The following TAFA1 variants were observed in gnomAD, a reference collection of about 807,000 sequenced individuals.
The protein encoded by TAFA1 is TAFA chemokine like family member 1.
In TAFA1, 4 loss-of-function variants were observed where a neutral mutation model predicts 18.5. The ratio of observed to expected loss-of-function variants is 0.22; its 90% CI spans 0.11 to 0.49. The LOEUF (loss-of-function observed/expected upper bound fraction) is 0.49, where lower values mean the gene tolerates loss of function less well. Ranked by LOEUF, TAFA1 falls within the 20% of genes least tolerant of loss-of-function variation. The pLI is 0.98. For synonymous variants in TAFA1, 56 were observed against 55.2 expected, an observed-to-expected ratio of 1.01 and a Z score of -0.06; for missense variants, 147 against 169.0, an observed-to-expected ratio of 0.87 and a Z score of 0.72.
Position 68,406,759 on chromosome 3 carries a change from A to G in TAFA1, c.119-10521A>G, listed in dbSNP as rs527319302. On this transcript the variant is annotated intron_variant, in intron 2 of 4. Coordinates refer to ENST00000478136, the MANE Select transcript of TAFA1 (RefSeq NM_213609.4). The stretch of plus-strand genomic sequence containing the variant: ...CCAAAGGCAGTCTGATGTCCAATCC[A>G]TTACATGAGTTCCCTTTCCTCATGC... 2.6e-5 allele frequency among the ~76,000 whole-genome samples: 4 copies of G among 152,328 alleles called. No homozygotes were observed. In the South Asian group the frequency reaches 8.3e-4, roughly 32 times the overall value.
chr3:68,452,099 T>A (rs1056732232), intron 3 of TAFA1, among the ~76,000 whole-genome samples: 1 of 152,056 alleles, frequency 6.6e-6, no homozygotes, highest in African/African-American at 2.4e-5. Flanking sequence ...GTCTGAATGC[T>A]TCCATGATGG....
At chr3:68,221,126 A>G (rs904831415) in intron 2 of TAFA1, among the ~76,000 whole-genome samples, 1 of 152,178 alleles carries the variant, frequency 6.6e-6, no homozygotes. Context: ...CTGCTTCACC[A>G]TGGCCTCCCA....
At chr3:68,538,696 C>T (rs959850355) in intron 3 of TAFA1, 60 bp from the exon 4 acceptor site, 64 of 1,577,562 alleles carry the variant, frequency 4.1e-5, no homozygotes, top group Middle Eastern at 3.4e-4. Context: ...AGGGACACAA[C>T]GTCAGTGTTC....
At position 68,226,627 on chromosome 3, in the gene TAFA1, A is replaced by C. The variant is rs572316785; in HGVS notation, c.119-190653A>C. Reference sequence around the variant, plus strand: ...TGCTTGCCCTCCTCTTCTTCATATTAATGTTCATTGTGTAACACATTTTAC... The same window carrying C: ...TGCTTGCCCTCCTCTTCTTCATATTCATGTTCATTGTGTAACACATTTTAC... On this transcript the variant is annotated intron_variant, in intron 2 of 4. Transcript: ENST00000478136. Among the ~76,000 whole-genome samples, 3 of 152,298 alleles carry C rather than the reference A, an allele frequency of 2.0e-5. No homozygotes were observed. The South Asian group carries it at 6.2e-4, about 32-fold the overall frequency.
At chr3:68,256,531 CA>C (rs1419584387) in intron 2 of TAFA1, among the ~76,000 whole-genome samples, 5 of 152,136 alleles carry the variant, frequency 3.3e-5, no homozygotes, top group Non-Finnish European at 7.4e-5. Context: ...ATGTTACTCT[CA>C]GGTGCCCACC....
intron 2 of TAFA1, among the ~76,000 whole-genome samples, chr3:68,378,991 T>A (rs2069875318): frequency 6.6e-6 from 1 of 152,136 alleles, no homozygotes; most frequent in Non-Finnish European, 1.5e-5. Flanking sequence ...CTCGGGTATT[T>A]CTTTATAGTC....
At chr3:68,477,048 A>G (rs1201568774) in intron 3 of TAFA1, among the ~76,000 whole-genome samples, 1 of 152,118 alleles carries the variant, frequency 6.6e-6, no homozygotes, top group African/African-American at 2.4e-5. Flanking sequence ...CATTCCCCCA[A>G]GGATATCTAT....
At chr3:68,025,378 G>C (rs916054738) in intron 2 of TAFA1, among the ~76,000 whole-genome samples, 2 of 152,120 alleles carry the variant, frequency 1.3e-5, no homozygotes, top group Non-Finnish European at 2.9e-5. Flanking sequence ...GGGAAGCCTA[G>C]GGTGGTCTCT....
chr3:68,498,209 G>C (rs1325569696), intron 3 of TAFA1, among the ~76,000 whole-genome samples: 1 of 152,130 alleles, frequency 6.6e-6, no homozygotes, highest in Non-Finnish European at 1.5e-5. Flanking sequence ...ACCTCATGAA[G>C]TTGCAATGAG....
chr3:68,442,229 G>C (rs751067783), intron 3 of TAFA1, among the ~76,000 whole-genome samples: 35 of 152,232 alleles, frequency 2.3e-4, no homozygotes, highest in South Asian at 6.2e-4. Flanking sequence ...TCTTACAGTT[G>C]TGGACACCCA....
At chr3:68,269,844 C>CT (rs1450579738) in intron 2 of TAFA1, among the ~76,000 whole-genome samples, 3 of 152,110 alleles carry the variant, frequency 2.0e-5, no homozygotes, top group Non-Finnish European at 2.9e-5. Context: ...TTGAAGGATT[C>CT]TTTTTTTAAT....
chr3:68,540,072 C>T (rs2073347713), intron 4 of TAFA1, among the ~76,000 whole-genome samples: 1 of 152,150 alleles, frequency 6.6e-6, no homozygotes, highest in Non-Finnish European at 1.5e-5. Context: ...TTCTCAGCCT[C>T]ACTTTTTCAG....
chr3:68,394,507 G>A (rs893896557), intron 2 of TAFA1, among the ~76,000 whole-genome samples: 9 of 152,184 alleles, frequency 5.9e-5, no homozygotes, highest in African/African-American at 1.9e-4. Flanking sequence ...GCAATCCTAA[G>A]CAAAAAGAAC....
Position 68,327,830 on chromosome 3 carries a change from A to C in TAFA1, c.119-89450A>C, listed in dbSNP as rs57604261. Among the ~76,000 whole-genome samples the C allele has an allele frequency of 2.4e-3, 363 of 152,330 alleles. 5 individuals are homozygous for C. The highest frequency in any genetic ancestry group is 8.3e-3 in the African/African-American group (347 of 41,566). On this transcript the variant is annotated intron_variant, in intron 2 of 4. Transcript: ENST00000478136. The stretch of plus-strand genomic sequence containing the variant: ...TGGATTATATCATTTAAAGCATGAC[A>C]TAGAGCTGCCTTACTTCACTATTAG...
At chr3:68,321,245 C>T (rs2068693806) in intron 2 of TAFA1, among the ~76,000 whole-genome samples, 1 of 152,092 alleles carries the variant, frequency 6.6e-6, no homozygotes, top group African/African-American at 2.4e-5. Flanking sequence ...CCCTCTGTAA[C>T]ATTAGCTGCT....
intron 3 of TAFA1, among the ~76,000 whole-genome samples, chr3:68,446,171 T>C (rs2071471807): frequency 6.6e-6 from 1 of 152,084 alleles, no homozygotes; most frequent in Non-Finnish European, 1.5e-5. Context: ...CCTTCCAAAG[T>C]GTTGGGATTA....
At chr3:68,158,608 A>ATAGT (rs1401963011) in intron 2 of TAFA1, among the ~76,000 whole-genome samples, 1 of 152,074 alleles carries the variant, frequency 6.6e-6, no homozygotes, top group Non-Finnish European at 1.5e-5. Flanking sequence ...AATATAAGGT[A>ATAGT]CAGTCATTGG....
chr3:68,507,696 A>G (rs2072782781), intron 3 of TAFA1, among the ~76,000 whole-genome samples: 2 of 152,124 alleles, frequency 1.3e-5, no homozygotes, highest in Admixed American at 1.3e-4. Context: ...TTAGGTTCTT[A>G]GCATATCTCA....
chr3:68,041,998 A>T (rs1350656493), intron 2 of TAFA1, among the ~76,000 whole-genome samples: 1 of 152,162 alleles, frequency 6.6e-6, no homozygotes, highest in Non-Finnish European at 1.5e-5. Context: ...ATATTGTTCA[A>T]CAATTTTGCA....
Sources: allele counts gnomAD v4.1 joint callset (sites outside exome capture counted in the v4.1 genomes callset), GRCh38; gene constraint gnomAD v4.1.1; transcripts MANE v1.5; gene names NCBI Gene and HGNC (gene_info 2026-07-23, HGNC 2026-07-21).